Variants in UNC13B observed in about 807,000 individuals in gnomAD.
UNC13B encodes the protein unc-13 homolog B.
In UNC13B, 144 loss-of-function variants were observed where a neutral mutation model predicts 211.0. The ratio of observed to expected loss-of-function variants is 0.68; its 90% CI spans 0.60 to 0.78. The LOEUF is 0.78. UNC13B is among the 30% of genes least tolerant of loss of function. UNC13B has a pLI of 0.00. For missense variants in UNC13B, 1,777 were observed against 2,002.0 expected, an observed-to-expected ratio of 0.89 and a Z score of 2.14; for synonymous variants, 709 against 725.8, an observed-to-expected ratio of 0.98 and a Z score of 0.37.
At chr9:35,298,578 C>G (rs568402376) in intron 8 of UNC13B, among the ~76,000 whole-genome samples, 1 of 152,134 alleles carries the variant, frequency 6.6e-6, no homozygotes, top group Non-Finnish European at 1.5e-5. Flanking sequence ...CCTTGGCCTC[C>G]GAAAGTGCTT....
intron 1 of UNC13B, among the ~76,000 whole-genome samples, chr9:35,184,775 AG>A (rs2131318695): frequency 9.1e-6 from 1 of 110,374 alleles, no homozygotes; most frequent in South Asian, 4.1e-4. Flanking sequence ...GAAGGAAGGA[AG>A]GAAGGAGAAA....
intron 6 of UNC13B, among the ~76,000 whole-genome samples, chr9:35,251,025 C>G (rs1461518677): frequency 7.3e-6 from 1 of 137,242 alleles, no homozygotes; most frequent in East Asian, 2.2e-4. Flanking sequence ...TGCAGTGGCG[C>G]GATCTCTGCT....
chr9:35,228,143 T>C, intron 2 of UNC13B, 99 bp downstream of exon 2: 1 of 1,107,012 alleles, frequency 9.0e-7, no homozygotes, highest in Non-Finnish European at 1.3e-6. Flanking sequence ...TTCAGTAATT[T>C]GATTCATTAC....
intron 15 of UNC13B, among the ~76,000 whole-genome samples, chr9:35,377,239 T>A (rs964375448): frequency 6.6e-6 from 1 of 152,224 alleles, no homozygotes; most frequent in Non-Finnish European, 1.5e-5. Flanking sequence ...GCGGAAGAGA[T>A]GGGCTCTGAA....
intron 22 of UNC13B, 66 bp from the exon 23 acceptor site, chr9:35,385,658 C>A: frequency 1.3e-6 from 2 of 1,513,740 alleles, no homozygotes; most frequent in South Asian, 1.3e-5. Flanking sequence ...TTGATATCAT[C>A]ACTTTTGGCA....
At chr9:35,183,734 AGCCG>A (rs1822142074) in intron 1 of UNC13B, among the ~76,000 whole-genome samples, 5 of 54,292 alleles carry the variant, frequency 9.2e-5, no homozygotes, top group Admixed American at 4.4e-4. Context: ...CAGACGGGGC[AGCCG>A]GGCAGAGGCG....
chr9:35,377,629 A>G lies in UNC13B; in HGVS notation c.9997A>G (p.Met3333Val). The change falls in exon 16 of 40, where the codon ATG (methionine) becomes GTG (valine). Residue 3333 changes from methionine (M) to valine (V), a missense_variant. By Grantham distance (21) the Met-to-Val change is conservative (BLOSUM62 1). Coordinates refer to ENST00000635942, the MANE Select transcript of UNC13B (RefSeq NM_001371189.2). Reference sequence around the variant, plus strand: ...GAACAAAGCTGCCCATGTGCAGCAGATGAAAACAGTGAAGCAGAGTGTACT... The same window carrying G: ...GAACAAAGCTGCCCATGTGCAGCAGGTGAAAACAGTGAAGCAGAGTGTACT... ...TVNKAAHVQQ[M>V]KTVKQSVLDG... 6.2e-7 allele frequency: 1 copy of G among 1,614,220 alleles called. No homozygotes were observed. Among genetic ancestry groups the G allele is most frequent in the East Asian group, 2.2e-5 (1 of 44,884 alleles).
At chr9:35,272,417 G>A (rs1827945293) in intron 7 of UNC13B, among the ~76,000 whole-genome samples, 1 of 151,410 alleles carries the variant, frequency 6.6e-6, no homozygotes, top group African/African-American at 2.4e-5. Context: ...ACCACCACAC[G>A]TGGCTAATTT....
chr9:35,385,531 C>A, intron 22 of UNC13B, 193 bp from the exon 23 acceptor site: 9 of 985,346 alleles, frequency 9.1e-6, no homozygotes, highest in Non-Finnish European at 1.1e-5. Context: ...TTAACCCCTG[C>A]TTTTGGCAAG....
intron 6 of UNC13B, among the ~76,000 whole-genome samples, chr9:35,251,789 T>C (rs1392224492): frequency 1.3e-5 from 2 of 152,266 alleles, no homozygotes; most frequent in Admixed American, 6.5e-5. Flanking sequence ...GTTGATTTTT[T>C]CATTTCAAGA....
chr9:35,186,609 G>GC (rs1822373397), intron 1 of UNC13B, among the ~76,000 whole-genome samples: 2 of 108,772 alleles, frequency 1.8e-5, no homozygotes, highest in Non-Finnish European at 4.1e-5. Context: ...GTGAGAGAGA[G>GC]GGGACTTCCA....
chr9:35,171,250 C>T (rs190201317), intron 1 of UNC13B, among the ~76,000 whole-genome samples: 12 of 152,040 alleles, frequency 7.9e-5, no homozygotes, highest in East Asian at 1.9e-4. Context: ...TACAGGTGCC[C>T]GCCACCACGC....
chr9:35,167,985 CGT>C (rs1359865888), intron 1 of UNC13B, among the ~76,000 whole-genome samples: 1 of 151,740 alleles, frequency 6.6e-6, no homozygotes, highest in East Asian at 1.9e-4. Context: ...GTAGTACGAT[CGT>C]GGCTCACTGC....
intron 23 of UNC13B, 100 bp downstream of exon 23, chr9:35,385,913 T>C: frequency 6.8e-7 from 1 of 1,477,690 alleles, no homozygotes; most frequent in Non-Finnish European, 9.2e-7. Context: ...GCTACAGGAT[T>C]CATCACCTCT....
Position 35,355,367 on chromosome 9 carries a change from A to T in UNC13B, c.9415-11580A>T, listed in dbSNP as rs577623771. Among the ~76,000 whole-genome samples the T allele has an allele frequency of 2.0e-5, 3 of 152,378 alleles. No homozygotes were observed. The East Asian group carries it at 5.8e-4, about 29-fold the overall frequency. On this transcript the variant is annotated intron_variant, in intron 11 of 39. Coordinates refer to ENST00000635942, the MANE Select transcript of UNC13B (RefSeq NM_001371189.2). ...TTTTAATTTTTAGAATTTGAATCATATGAATATAATACTAAGCCATAAAGT... is the reference window on the plus strand; with the variant it reads ...TTTTAATTTTTAGAATTTGAATCATTTGAATATAATACTAAGCCATAAAGT...
At chr9:35,260,038 CAAAAAAAA>C (rs61273217) in intron 7 of UNC13B, among the ~76,000 whole-genome samples, 1 of 64,802 alleles carries the variant, frequency 1.5e-5, no homozygotes, top group Non-Finnish European at 2.5e-5. Flanking sequence ...CTCATTTCTA[CAAAAAAAA>C]AAAAAAAAAA....
chr9:35,400,903 A>G (rs1044891013), intron 37 of UNC13B, among the ~76,000 whole-genome samples: 10 of 152,122 alleles, frequency 6.6e-5, no homozygotes, highest in African/African-American at 2.2e-4. Flanking sequence ...GAGGCAAACC[A>G]TGGCAGCTGC....
chr9:35,272,509 C>T (rs571686317), intron 7 of UNC13B, among the ~76,000 whole-genome samples: 7 of 152,196 alleles, frequency 4.6e-5, no homozygotes, highest in East Asian at 1.9e-4. Flanking sequence ...CTACCCACCT[C>T]GGCCTCCCAA....
At chr9:35,369,269 GC>G (rs74739534) in intron 12 of UNC13B, among the ~76,000 whole-genome samples, 12,852 of 152,204 alleles carry the variant, frequency 0.084, 700 homozygotes, top group East Asian at 0.3. Flanking sequence ...GTGGTATACA[GC>G]CCAGCTACCC....
Sources: allele counts gnomAD v4.1 joint callset (sites outside exome capture counted in the v4.1 genomes callset), GRCh38; gene constraint gnomAD v4.1.1; transcripts MANE v1.5; gene names NCBI Gene and HGNC (gene_info 2026-07-23, HGNC 2026-07-21).